Variants in ST8SIA2 observed in about 807,000 individuals in gnomAD.
The protein encoded by ST8SIA2 is ST8 alpha-N-acetyl-neuraminide alpha-2,8-sialyltransferase 2.
Under a neutral mutation model 37.6 loss-of-function variants are expected in ST8SIA2, and 22 were observed. That is an observed-to-expected ratio of 0.58 (90% CI 0.42 to 0.83). The LOEUF is 0.83. Among genes scored for constraint, ST8SIA2 ranks in the 40% least tolerant of loss-of-function variants. The pLI is 0.00. For synonymous variants in ST8SIA2, 205 were observed against 201.2 expected (o/e 1.02, Z -0.16); for missense variants, 382 against 484.7 (o/e 0.79, Z 1.99).
chr15:92,417,305 C>T (rs1237359821), intron 1 of ST8SIA2, among the ~76,000 whole-genome samples: 2 of 152,290 alleles, frequency 1.3e-5, no homozygotes, highest in South Asian at 2.1e-4. Context: ...AGGAAGTGGC[C>T]GTTGCCTTAG....
At chr15:92,444,975 G>C in intron 5 of ST8SIA2, 46 bp downstream of exon 5, 1 of 1,600,546 alleles carries the variant, frequency 6.2e-7, no homozygotes, top group Non-Finnish European at 8.5e-7. Context: ...CTAAGTGTGG[G>C]AGATTCTTGG....
chr15:92,464,603 G>A lies in ST8SIA2; in HGVS notation c.*218G>A, dbSNP rs962689402. The A allele has an allele frequency of 3.3e-6, 2 of 601,298 alleles. No individual in the cohort carries two copies. Among genetic ancestry groups the A allele is most frequent in the Non-Finnish European group, 5.8e-6 (2 of 342,558 alleles). The allele number at this position is 601,298 out of a possible 1,614,324, so 37.2% of individuals were successfully genotyped here. A position where few individuals can be genotyped will look rare whatever the true frequency, so the allele number is the denominator to read the frequency against. On this transcript the variant is annotated 3_prime_UTR_variant, in exon 6 of 6. Transcript: ENST00000268164. ...TGTTCATCTAGCATTAGGCAGATAG[G>A]CCACAGGAAGAAGGTGTGGAGAACC...
chr15:92,412,302 T>C (rs142027526), intron 1 of ST8SIA2, among the ~76,000 whole-genome samples: 1 of 150,720 alleles, frequency 6.6e-6, no homozygotes, highest in African/African-American at 2.4e-5. Context: ...GGTTCAATGA[T>C]AGGGTCACAG....
chr15:92,437,108 C>T lies in ST8SIA2; in HGVS notation c.291-1245C>T, dbSNP rs533671796. Among the ~76,000 whole-genome samples, 66 of 152,310 alleles carry T rather than the reference C, an allele frequency of 4.3e-4. 1 individual carries two copies. In the South Asian group the frequency reaches 0.013, roughly 29 times the overall value. On this transcript the variant is annotated intron_variant, in intron 3 of 5. Coordinates refer to ENST00000268164, the MANE Select transcript of ST8SIA2 (RefSeq NM_006011.4). The stretch of plus-strand genomic sequence containing the variant: ...GCGAGATGGGACAGCCATCCTGCAG[C>T]GTCTAACATTTGCAAAGTGCATGAA...
intron 1 of ST8SIA2, among the ~76,000 whole-genome samples, chr15:92,424,355 TA>T (rs1476062186): frequency 6.6e-6 from 1 of 152,136 alleles, no homozygotes; most frequent in Non-Finnish European, 1.5e-5. Context: ...ACCCCATAAA[TA>T]TACACAGTTA....
rs1241908937 is a variant in ST8SIA2, at chr15:92,467,252, G to A, written c.*2867G>A. On this transcript the variant is annotated 3_prime_UTR_variant, in exon 6 of 6. Transcript: ENST00000268164. ...AGAAACGTCATCCCCACCAGTTAACGTTTCCTGTACACCCTCACCCTCTCT... is the reference window on the plus strand; with the variant it reads ...AGAAACGTCATCCCCACCAGTTAACATTTCCTGTACACCCTCACCCTCTCT... 6.5e-6 allele frequency: 1 copy of A among 153,266 alleles called. No homozygotes were observed. The highest frequency in any genetic ancestry group is 1.5e-5 in the Non-Finnish European group (1 of 68,130). The allele number at this position is 153,266 out of a possible 1,614,324, so 9.5% of individuals were successfully genotyped here. A position where few individuals can be genotyped will look rare whatever the true frequency, so the allele number is the denominator to read the frequency against.
intron 1 of ST8SIA2, among the ~76,000 whole-genome samples, chr15:92,401,140 C>T (rs1596227609): frequency 6.6e-6 from 1 of 152,038 alleles, no homozygotes. Context: ...ACAGTGGAAA[C>T]GGCCGGGGGA....
intron 5 of ST8SIA2, among the ~76,000 whole-genome samples, chr15:92,448,683 A>G (rs994649941): frequency 1.3e-5 from 2 of 152,108 alleles, no homozygotes; most frequent in African/African-American, 4.8e-5. Context: ...CCACTTGGAG[A>G]GCTACAATGT....
At chr15:92,403,456 G>A (rs1273233719) in intron 1 of ST8SIA2, among the ~76,000 whole-genome samples, 4 of 152,144 alleles carry the variant, frequency 2.6e-5, no homozygotes, top group African/African-American at 4.8e-5. Flanking sequence ...ATAGCTTCGC[G>A]AACACAATGG....
chr15:92,454,923 C>T (rs1212616700), intron 5 of ST8SIA2, among the ~76,000 whole-genome samples: 1 of 152,028 alleles, frequency 6.6e-6, no homozygotes, highest in Non-Finnish European at 1.5e-5. Context: ...GCCCCTCAGG[C>T]AGGAAAGCAG....
chr15:92,398,767 A>G (rs890468967), intron 1 of ST8SIA2, among the ~76,000 whole-genome samples: 2 of 152,198 alleles, frequency 1.3e-5, no homozygotes, highest in Non-Finnish European at 2.9e-5. Flanking sequence ...GCCGAAACCC[A>G]TGCATGCTCT....
In ST8SIA2 at chr15:92,442,989, A is replaced by G. The variant is rs76419615; in HGVS notation, c.549-1647A>G. Among the ~76,000 whole-genome samples, 314 of 152,276 alleles carry G rather than the reference A, an allele frequency of 2.1e-3. 3 individuals carry two copies. Among genetic ancestry groups the G allele is most frequent in the East Asian group, 0.012 (60 of 5,180 alleles). ...GAGGGTGATTAAAACTGGGTCACAAAAAAAAAGAGCTGACCTATGTTAAAG... is the reference window on the plus strand; with the variant it reads ...GAGGGTGATTAAAACTGGGTCACAAGAAAAAAGAGCTGACCTATGTTAAAG... On this transcript the variant is annotated intron_variant, in intron 4 of 5. Coordinates refer to ENST00000268164, the MANE Select transcript of ST8SIA2 (RefSeq NM_006011.4).
rs565532140 is a variant in ST8SIA2 at position 92,465,300 on chromosome 15, G to A, written c.*915G>A. Reference sequence around the variant, plus strand: ...CCCTGGGATTTCACCCTCTGGGTTAGTCTCTGTCTCACCCTGTTAGAATGT... The same window carrying A: ...CCCTGGGATTTCACCCTCTGGGTTAATCTCTGTCTCACCCTGTTAGAATGT... On this transcript the variant is annotated 3_prime_UTR_variant, in exon 6 of 6. Transcript: ENST00000268164. The A allele has an allele frequency of 5.9e-5, 9 of 152,284 alleles. No homozygotes were observed. The highest frequency in any genetic ancestry group is 1.9e-4 in the African/African-American group (8 of 41,554). 9.4% of individuals were successfully genotyped at this position (152,284 alleles called of 1,614,324 possible).
In ST8SIA2 at chr15:92,429,982, G is replaced by A; in HGVS notation, c.99-67G>A. 2.6e-6 allele frequency: 4 copies of A among 1,560,982 alleles called. No individual in the cohort carries two copies. In the South Asian group the frequency reaches 3.4e-5, roughly 13 times the overall value. ...TTCCAGGTGGGCTATGGGATCTCCT[G>A]GCAATTGAAGAGGGCTTTGCAAAGA... On this transcript the variant is annotated intron_variant, in intron 1 of 5. Coordinates refer to ENST00000268164, the MANE Select transcript of ST8SIA2 (RefSeq NM_006011.4).
intron 5 of ST8SIA2, among the ~76,000 whole-genome samples, chr15:92,446,018 A>T (rs1048415433): frequency 1.3e-5 from 2 of 152,098 alleles, no homozygotes; most frequent in African/African-American, 4.8e-5. Flanking sequence ...TCTTCCAGTT[A>T]TCTATTGCAG....
In ST8SIA2 at chr15:92,466,521, C is replaced by G. The variant is rs528150063; in HGVS notation, c.*2136C>G. 1 of 152,216 alleles carries G rather than the reference C, an allele frequency of 6.6e-6. No homozygotes were observed. Among genetic ancestry groups the G allele is most frequent in the Non-Finnish European group, 1.5e-5 (1 of 68,100 alleles). 9.4% of individuals were successfully genotyped at this position (152,216 alleles called of 1,614,324 possible). On this transcript the variant is annotated 3_prime_UTR_variant, in exon 6 of 6. Coordinates refer to ENST00000268164, the MANE Select transcript of ST8SIA2 (RefSeq NM_006011.4). ...GTCAGGTTCTGGAGTTGGCCCTGAG[C>G]TCTATCCACCAAGCCAGCACCCCAC...
At chr15:92,411,958 T>C (rs2049552408) in intron 1 of ST8SIA2, among the ~76,000 whole-genome samples, 2 of 151,884 alleles carry the variant, frequency 1.3e-5, no homozygotes, top group African/African-American at 4.8e-5. Context: ...GTGAGGGAAG[T>C]ACGAGGCAAC....
intron 1 of ST8SIA2, among the ~76,000 whole-genome samples, chr15:92,395,858 G>T (rs34744002): frequency 0.13 from 20,467 of 152,174 alleles, 1,847 homozygotes; most frequent in African/African-American, 0.26. Flanking sequence ...AAACATAAGT[G>T]CTGTGCTTAT....
intron 5 of ST8SIA2, among the ~76,000 whole-genome samples, chr15:92,453,465 G>A (rs967643413): frequency 5.9e-5 from 9 of 152,204 alleles, no homozygotes; most frequent in African/African-American, 1.9e-4. Flanking sequence ...GCAAGATTCT[G>A]TACTTAGGTT....
Sources: gnomAD v4.1 joint callset for allele counts (sites outside exome capture counted in the v4.1 genomes callset) on GRCh38, gnomAD v4.1.1 for gene constraint, MANE v1.5 for transcripts, NCBI Gene and HGNC (gene_info 2026-07-23, HGNC 2026-07-21) for gene names.